The following CMTM6 variants were observed in gnomAD, a reference collection of about 807,000 sequenced individuals.
The protein encoded by CMTM6 is CKLF-like MARVEL transmembrane domain-containing protein 6.
Under a neutral mutation model 13.6 loss-of-function variants are expected in CMTM6, and 5 were observed. The ratio of observed to expected loss-of-function variants is 0.37; its 90% CI spans 0.19 to 0.77. The LOEUF (loss-of-function observed/expected upper bound fraction) is 0.77, where lower values mean the gene tolerates loss of function less well. Ranked by LOEUF, CMTM6 falls within the 30% of genes least tolerant of loss-of-function variation. CMTM6 has a pLI of 0.50. For missense variants in CMTM6, 196 were observed against 218.6 expected (o/e 0.90, Z 0.65); for synonymous variants, 99 against 84.5 (o/e 1.17, Z -0.94).
At chr3:32,491,597 G>T in intron 2 of CMTM6, 113 bp downstream of exon 2, 1 of 919,154 alleles carries the variant, frequency 1.1e-6, no homozygotes, top group Non-Finnish European at 1.6e-6. Context: ...TGGAACAAGG[G>T]ATACTGTCTT....
rs1173752099 is a variant in CMTM6 at position 32,484,222 on chromosome 3, T to A, written c.415-125A>T. On this transcript the variant is annotated intron_variant, in intron 3 of 3. Transcript: ENST00000205636. ...TGAATTTTATCTTATACACGACTAC[T>A]CTTTAATGGTAAAAAAAATTTTTTT... 4.8e-6 allele frequency: 4 copies of A among 837,386 alleles called. No homozygotes were observed. In the African/African-American group the frequency reaches 7.1e-5, roughly 15 times the overall value. The allele number at this position is 837,386 out of a possible 1,614,324, so 51.9% of individuals were successfully genotyped here.
At chr3:32,502,361 C>A (rs1367923564) in intron 1 of CMTM6, among the ~76,000 whole-genome samples, 2 of 152,226 alleles carry the variant, frequency 1.3e-5, no homozygotes, top group Non-Finnish European at 2.9e-5. Flanking sequence ...TTCCTGAGCC[C>A]GCCTAACAGG....
chr3:32,491,233 A>G (rs1273529397), intron 2 of CMTM6, among the ~76,000 whole-genome samples: 1 of 152,256 alleles, frequency 6.6e-6, no homozygotes, highest in African/African-American at 2.4e-5. Context: ...GAAGAATTAC[A>G]TGTTGTTTTA....
chr3:32,499,459 T>C (rs1697326193), intron 1 of CMTM6, among the ~76,000 whole-genome samples: 1 of 152,202 alleles, frequency 6.6e-6, no homozygotes, highest in Admixed American at 6.5e-5. Context: ...GTGGAGCTTG[T>C]TGCACAGAAA....
intron 1 of CMTM6, among the ~76,000 whole-genome samples, chr3:32,495,010 A>G (rs1697278846): frequency 6.6e-6 from 1 of 151,418 alleles, no homozygotes; most frequent in Non-Finnish European, 1.5e-5. Context: ...ACCTCCCTGT[A>G]CTTTTTTTTT....
Position 32,502,742 on chromosome 3 carries a change from C to T in CMTM6, c.4G>A (p.Glu2Lys). The T allele has an allele frequency of 6.8e-7, 1 of 1,469,704 alleles. No homozygotes were observed. The highest frequency in any genetic ancestry group is 9.0e-7 in the Non-Finnish European group (1 of 1,110,542). 91.0% of individuals were successfully genotyped at this position (1,469,704 alleles called of 1,614,324 possible). The change falls in exon 1 of 4, where the codon GAG (glutamate) becomes AAG (lysine). Residue 2 changes from glutamate to lysine, a missense_variant. By Grantham distance (56) the Glu-to-Lys change is moderately conservative (BLOSUM62 1). Coordinates refer to ENST00000205636, the MANE Select transcript of CMTM6 (RefSeq NM_017801.3). Reference protein sequence around the residue: MENGAVYSPTTE... With the variant: MKNGAVYSPTTE... ...GTGGGGCTGTACACCGCTCCGTTCT[C>T]CATCGCCTCGGGCCGGGGAGCGCGG...
intron 1 of CMTM6, among the ~76,000 whole-genome samples, chr3:32,501,224 C>A (rs974704530): frequency 7.4e-5 from 11 of 148,038 alleles, no homozygotes; most frequent in East Asian, 4.1e-4. Context: ...GATGAATATT[C>A]TTTTCTGTTC....
In CMTM6 at chr3:32,491,704, G is replaced by T. The variant is rs1253666304; in HGVS notation, c.315+6C>A. 2 of 1,585,230 alleles carry T rather than the reference G, an allele frequency of 1.3e-6. No individual in the cohort carries two copies. The highest frequency in any genetic ancestry group is 2.7e-5 in the African/African-American group (2 of 73,342). ...TAATACAGGGATGATATTTTCTCAT[G>T]CTTACCGATGATTTTACTTTTGTGG... On this transcript the variant is annotated splice_donor_region_variant and intron_variant, in intron 2 of 3. Coordinates refer to ENST00000205636, the MANE Select transcript of CMTM6 (RefSeq NM_017801.3).
chr3:32,501,188 C>CAAA (rs545695553), intron 1 of CMTM6, among the ~76,000 whole-genome samples: 20 of 58,352 alleles, frequency 3.4e-4, no homozygotes, highest in South Asian at 1.1e-3. Flanking sequence ...GACTCGGTCT[C>CAAA]AAAAAAAAAA....
intron 3 of CMTM6, among the ~76,000 whole-genome samples, chr3:32,485,809 T>G (rs1021581831): frequency 2.0e-5 from 3 of 152,252 alleles, no homozygotes; most frequent in African/African-American, 7.2e-5. Context: ...TGAACTCCTT[T>G]TGAGTTTTCT....
chr3:32,494,453 A>C (rs1697273018), intron 1 of CMTM6, among the ~76,000 whole-genome samples: 1 of 152,266 alleles, frequency 6.6e-6, no homozygotes, highest in African/African-American at 2.4e-5. Flanking sequence ...GACAAACAAC[A>C]GTTCAGCGGT....
chr3:32,491,475 C>G (rs1697249192), intron 2 of CMTM6, among the ~76,000 whole-genome samples: 1 of 152,024 alleles, frequency 6.6e-6, no homozygotes, highest in Non-Finnish European at 1.5e-5. Flanking sequence ...TACATTAAAC[C>G]ACCAATAACT....
intron 1 of CMTM6, among the ~76,000 whole-genome samples, chr3:32,497,258 G>C (rs190188435): frequency 6.6e-6 from 1 of 151,180 alleles, no homozygotes; most frequent in Non-Finnish European, 1.5e-5. Flanking sequence ...GGTGGCGGGC[G>C]CCTGTAGTCC....
At chr3:32,495,729 A>G (rs1018276349) in intron 1 of CMTM6, among the ~76,000 whole-genome samples, 1 of 152,370 alleles carries the variant, frequency 6.6e-6, no homozygotes, top group Non-Finnish European at 1.5e-5. Context: ...AAAAAAAGAC[A>G]GGATCCAGCT....
In CMTM6 at chr3:32,491,687, GGAT is replaced by G. The variant is rs1433575972; in HGVS notation, c.315+20_315+22del. The G allele has an allele frequency of 3.2e-6, 5 of 1,564,328 alleles. No homozygotes were observed. The highest frequency in any genetic ancestry group is 1.4e-5 in the African/African-American group (1 of 73,012). On this transcript the variant is annotated intron_variant, in intron 2 of 3. Transcript: ENST00000205636. ...GATTACAAAACAGCTATTAATACAG[GGAT>G]GATATTTTCTCATGCTTACCGATGA...
At chr3:32,501,419 G>A (rs1173730384) in intron 1 of CMTM6, among the ~76,000 whole-genome samples, 1 of 152,104 alleles carries the variant, frequency 6.6e-6, no homozygotes, top group African/African-American at 2.4e-5. Flanking sequence ...ATAAATTAAA[G>A]GTGGCCAGTG....
At position 32,502,642 on chromosome 3, in the gene CMTM6, G is replaced by A. The variant is rs1188650763; in HGVS notation, c.104C>T (p.Pro35Leu). ...LAAYFFMGRL[P>L]LLRRVLKGLQ... ...GCCCTTGAGAACGCGCCGGAGCAAT[G>A]GGAGCCGGCCCATGAAAAAGTAGGC... Residue 35 changes from proline to leucine, a missense_variant, in exon 1 of 4, where the codon CCA (proline) becomes CTA (leucine). By Grantham distance (98) the Pro-to-Leu change is moderately conservative. Around this residue, in one of 2 missense-constraint regions of CMTM6, gnomAD observed 85 missense variants for 58.7 expected, o/e 1.45. Coordinates refer to ENST00000205636, the MANE Select transcript of CMTM6 (RefSeq NM_017801.3). 5 of 1,596,466 alleles carry A rather than the reference G, an allele frequency of 3.1e-6. No individual in the cohort carries two copies. The African/African-American group carries it at 4.0e-5, about 13-fold the overall frequency.
At chr3:32,488,677 C>T (rs1020918507) in intron 2 of CMTM6, among the ~76,000 whole-genome samples, 1 of 152,178 alleles carries the variant, frequency 6.6e-6, no homozygotes, top group African/African-American at 2.4e-5. Context: ...TGGAATAACA[C>T]ATTGCCTTCA....
chr3:32,498,875 G>C (rs1309398110), intron 1 of CMTM6, among the ~76,000 whole-genome samples: 1 of 151,814 alleles, frequency 6.6e-6, no homozygotes, highest in Non-Finnish European at 1.5e-5. Flanking sequence ...ACCGCACCCG[G>C]CCTCAGTTTC....
Sources: allele counts gnomAD v4.1 joint callset (sites outside exome capture counted in the v4.1 genomes callset), GRCh38; gene constraint gnomAD v4.1.1; regional missense constraint gnomAD v4.1.1; transcripts MANE v1.5; gene names NCBI Gene and HGNC (gene_info 2026-07-23, HGNC 2026-07-21).